LRRC7: variants seen among roughly 807,000 people sequenced by gnomAD.
LRRC7 encodes leucine rich repeat containing 7, also known as leucine-rich repeat-containing protein 7.
In LRRC7, 23 loss-of-function variants were observed where a neutral mutation model predicts 175.7. The observed-to-expected ratio is 0.13, with a 90% CI of 0.09 to 0.19. The LOEUF is 0.19. Ranked by LOEUF, LRRC7 falls within the 10% of genes least tolerant of loss-of-function variation. The pLI, the probability that LRRC7 is intolerant of heterozygous loss-of-function variation, is 1.00. For synonymous variants in LRRC7, 685 were observed against 680.9 expected (o/e 1.01, Z -0.09); for missense variants, 1,354 against 1,904.7 (o/e 0.71, Z 5.38).
chr1:69,936,255 G>C (rs894084339), intron 8 of LRRC7, among the ~76,000 whole-genome samples: 1 of 152,092 alleles, frequency 6.6e-6, no homozygotes, highest in Non-Finnish European at 1.5e-5. Context: ...AGAATTAGTT[G>C]ATCAAGTTTC....
At chr1:69,844,305 G>T (rs1682089585) in intron 7 of LRRC7, among the ~76,000 whole-genome samples, 1 of 152,006 alleles carries the variant, frequency 6.6e-6, no homozygotes, top group African/African-American at 2.4e-5. Context: ...TCTGCAACTT[G>T]TTCATCTTGT....
At chr1:69,972,398 C>T (rs1652329655) in intron 8 of LRRC7, among the ~76,000 whole-genome samples, 1 of 152,178 alleles carries the variant, frequency 6.6e-6, no homozygotes, top group Non-Finnish European at 1.5e-5. Flanking sequence ...GCAGAATCTA[C>T]AACAAACTCA....
At chr1:69,713,460 C>T (rs934072346) in intron 2 of LRRC7, among the ~76,000 whole-genome samples, 2 of 152,122 alleles carry the variant, frequency 1.3e-5, no homozygotes, top group African/African-American at 4.8e-5. Flanking sequence ...TGTGCCACTG[C>T]ACCCCAGCCT....
chr1:69,655,800 G>T (rs72938920), intron 1 of LRRC7, among the ~76,000 whole-genome samples: 14,992 of 152,014 alleles, frequency 0.099, 836 homozygotes, highest in African/African-American at 0.16. Flanking sequence ...ACATGTAAAT[G>T]ATTTAAAACA....
Position 70,049,485 on chromosome 1 carries a change from C to A in LRRC7, c.4111-3541C>A, listed in dbSNP as rs145075723. Reference sequence around the variant, plus strand: ...TCAGGGCAACTCATGCCTATAATTTCTATTGATTCTGCTGCATTTATTATT... The same window carrying A: ...TCAGGGCAACTCATGCCTATAATTTATATTGATTCTGCTGCATTTATTATT... On this transcript the variant is annotated intron_variant, in intron 22 of 26. Coordinates refer to ENST00000651989, the MANE Select transcript of LRRC7 (RefSeq NM_001370785.2). Among the ~76,000 whole-genome samples the A allele has an allele frequency of 2.4e-3, 368 of 151,488 alleles. 2 individuals are homozygous for A. Among genetic ancestry groups the A allele is most frequent in the African/African-American group, 8.1e-3 (334 of 41,484 alleles).
At position 70,017,203 on chromosome 1, in the gene LRRC7, G is replaced by A. The variant is rs1462078013; in HGVS notation, c.1320+669G>A. Among the ~76,000 whole-genome samples, 8 of 151,136 alleles carry A rather than the reference G, an allele frequency of 5.3e-5. No homozygotes were observed. The East Asian group carries it at 5.8e-4, about 11-fold the overall frequency. ...GGCAGGAGAATCGCTTGAACCCGGG[G>A]GGCACAGGTTGCAGTGAGTCTAGAT... On this transcript the variant is annotated intron_variant, in intron 14 of 26. Transcript: ENST00000651989.
At chr1:69,734,200 A>G (rs1480637401) in intron 2 of LRRC7, among the ~76,000 whole-genome samples, 3 of 151,914 alleles carry the variant, frequency 2.0e-5, no homozygotes, top group Non-Finnish European at 2.9e-5. Context: ...AAGTCAAAAT[A>G]AAGAAAATTT....
chr1:69,818,902 TATC>T (rs964723837), intron 4 of LRRC7, among the ~76,000 whole-genome samples: 3 of 152,152 alleles, frequency 2.0e-5, no homozygotes, highest in African/African-American at 7.2e-5. Context: ...AGTGGTATCT[TATC>T]ATGATTTGTA....
intron 7 of LRRC7, among the ~76,000 whole-genome samples, chr1:69,911,916 T>C (rs957210357): frequency 6.7e-6 from 1 of 149,740 alleles, no homozygotes; most frequent in African/African-American, 2.4e-5. Flanking sequence ...ATAGAAAATA[T>C]TTGAAAAAAA....
At position 69,942,008 on chromosome 1, in the gene LRRC7, C is replaced by A. The variant is rs549689294; in HGVS notation, c.711+10438C>A. Among the ~76,000 whole-genome samples, 4 of 152,184 alleles carry A rather than the reference C, an allele frequency of 2.6e-5. No homozygotes were observed. In the South Asian group the frequency reaches 8.3e-4, roughly 32 times the overall value. Reference sequence around the variant, plus strand: ...AACATTTGCCTCCATACATTCTAAACCTTCTTTTTCCTCCACCACCTACGT... The same window carrying A: ...AACATTTGCCTCCATACATTCTAAAACTTCTTTTTCCTCCACCACCTACGT... On this transcript the variant is annotated intron_variant, in intron 8 of 26. Coordinates refer to ENST00000651989, the MANE Select transcript of LRRC7 (RefSeq NM_001370785.2).
chr1:70,047,769 T>C (rs1319096110), intron 22 of LRRC7, among the ~76,000 whole-genome samples: 1 of 152,004 alleles, frequency 6.6e-6, no homozygotes, highest in Non-Finnish European at 1.5e-5. Flanking sequence ...TCTATAATTT[T>C]ATAGAACTCT....
Position 69,787,459 on chromosome 1 carries a change from T to C in LRRC7, c.304-4584T>C, listed in dbSNP as rs1312177808. On this transcript the variant is annotated intron_variant, in intron 3 of 26. Transcript: ENST00000651989. ...TCGCAGAGATTCTCCATGAGGGCCC[T>C]GCCCCTGCAGCAAACATCTGCCTGG... Among the ~76,000 whole-genome samples, 7 of 152,216 alleles carry C rather than the reference T, an allele frequency of 4.6e-5. No individual in the cohort carries two copies. In the East Asian group the frequency reaches 1.4e-3, roughly 29 times the overall value.
chr1:69,962,438 T>G (rs548476010), intron 8 of LRRC7, among the ~76,000 whole-genome samples: 1 of 152,256 alleles, frequency 6.6e-6, no homozygotes, highest in East Asian at 1.9e-4. Flanking sequence ...CTCAAAGACC[T>G]AAAGAAAGAA....
At chr1:69,572,567 A>G (rs1226391387) in intron 1 of LRRC7, among the ~76,000 whole-genome samples, 1 of 152,146 alleles carries the variant, frequency 6.6e-6, no homozygotes, top group African/African-American at 2.4e-5. Flanking sequence ...CATGTTATTT[A>G]TGTGACTCAG....
chr1:69,809,620 A>G (rs930949111), intron 4 of LRRC7, among the ~76,000 whole-genome samples: 2 of 152,066 alleles, frequency 1.3e-5, no homozygotes, highest in Non-Finnish European at 2.9e-5. Flanking sequence ...CTGGTTCAAC[A>G]CACGCAAATC....
At chr1:69,895,295 AAC>A (rs1333222258) in intron 7 of LRRC7, among the ~76,000 whole-genome samples, 1 of 152,144 alleles carries the variant, frequency 6.6e-6, no homozygotes, top group Non-Finnish European at 1.5e-5. Context: ...AAAATAAATG[AAC>A]ACACACACAA....
intron 3 of LRRC7, among the ~76,000 whole-genome samples, chr1:69,781,743 G>A (rs1439254233): frequency 1.0e-3 from 45 of 44,160 alleles, no homozygotes; most frequent in East Asian, 3.1e-3. Flanking sequence ...AAGAGAGAGA[G>A]AGAGAGAGAG....
At chr1:69,652,483 A>G (rs1242206174) in intron 1 of LRRC7, among the ~76,000 whole-genome samples, 1 of 152,202 alleles carries the variant, frequency 6.6e-6, no homozygotes, top group African/African-American at 2.4e-5. Context: ...ACCTAAATAA[A>G]TGAAGAGGCT....
Position 70,011,943 on chromosome 1 carries a change from T to C in LRRC7, c.1134+17T>C. 1 of 1,576,170 alleles carries C rather than the reference T, an allele frequency of 6.3e-7. No individual in the cohort carries two copies. Among genetic ancestry groups the C allele is most frequent in the Non-Finnish European group, 8.7e-7 (1 of 1,148,428 alleles). ...CCCAGAGAAGTGAGAAATAAACTTG[T>C]TTTCTATTTATTAACTTTTAATTAA... On this transcript the variant is annotated intron_variant, in intron 12 of 26. Transcript: ENST00000651989.
Sources: gnomAD v4.1 joint callset for allele counts (sites outside exome capture counted in the v4.1 genomes callset) on GRCh38, gnomAD v4.1.1 for gene constraint, MANE v1.5 for transcripts, NCBI Gene and HGNC (gene_info 2026-07-23, HGNC 2026-07-21) for gene names.